The following PTPRN2 variants were observed in gnomAD, a reference collection of about 807,000 sequenced individuals.
PTPRN2 encodes the protein receptor-type tyrosine-protein phosphatase N2.
In PTPRN2, 74 loss-of-function variants were observed where a neutral mutation model predicts 118.8. That is an observed-to-expected ratio of 0.62 (90% CI 0.52 to 0.76). PTPRN2 has a LOEUF of 0.76. PTPRN2 is among the 30% of genes least tolerant of loss of function. The probability of loss-of-function intolerance (pLI) is 0.00; values close to 1 mark genes in which losing one functional copy is unlikely to be tolerated. For missense variants in PTPRN2, 1,481 were observed against 1,394.4 expected (o/e 1.06, Z -0.99); for synonymous variants, 641 against 608.0 (o/e 1.05, Z -0.80).
At chr7:157,867,885 A>G (rs1810808648) in intron 12 of PTPRN2, among the ~76,000 whole-genome samples, 1 of 152,178 alleles carries the variant, frequency 6.6e-6, no homozygotes, top group Non-Finnish European at 1.5e-5. Flanking sequence ...AAAGGGCCGC[A>G]GGCGTGGTGG....
chr7:158,134,008 G>C lies in PTPRN2; in HGVS notation c.1225C>G (p.Arg409Gly), dbSNP rs752320947. The C allele has an allele frequency of 6.2e-7, 1 of 1,613,984 alleles. No individual in the cohort carries two copies. Among genetic ancestry groups the C allele is most frequent in the Non-Finnish European group, 8.5e-7 (1 of 1,180,048 alleles). The change falls in exon 9 of 23, where the codon CGA becomes GGA. Residue 409 changes from arginine to glycine, a missense_variant. Around this residue, in one of 3 missense-constraint regions of PTPRN2, gnomAD observed 1,115 missense variants for 994.2 expected, o/e 1.12. Coordinates refer to ENST00000389418, the MANE Select transcript of PTPRN2 (RefSeq NM_002847.5). ...AAGGGGAGGGCTCCAGGTAAGAGTC[G>C]AGACCCGTGGTCCTGCAGGAGGCCC... The part of the protein sequence containing the change: ...LGGLLQDHGS[R>G]LLPGALPFAR...
At chr7:158,081,943 C>A (rs1050710481) in intron 10 of PTPRN2, among the ~76,000 whole-genome samples, 10 of 152,046 alleles carry the variant, frequency 6.6e-5, no homozygotes, top group African/African-American at 2.4e-4. Flanking sequence ...CTTTTTAAAC[C>A]ATTTAATTCA....
chr7:157,745,994 T>C (rs1800903848), intron 12 of PTPRN2, among the ~76,000 whole-genome samples: 1 of 141,496 alleles, frequency 7.1e-6, no homozygotes. Context: ...CACAGGGCCC[T>C]GAGTGTGGAG....
chr7:158,056,173 G>A (rs889232607), intron 11 of PTPRN2, among the ~76,000 whole-genome samples: 1 of 152,150 alleles, frequency 6.6e-6, no homozygotes, highest in African/African-American at 2.4e-5. Context: ...GGTAACTCCC[G>A]CAGGTCCTGC....
chr7:158,555,734 C>T lies in PTPRN2; in HGVS notation c.112+31824G>A, dbSNP rs931811567. ...GGGAGCTCTTCCGCCAACAGGTGGCCGGTGTTGCTTCCCAGCGGGTTCCAC... is the reference window on the plus strand; with the variant it reads ...GGGAGCTCTTCCGCCAACAGGTGGCTGGTGTTGCTTCCCAGCGGGTTCCAC... On this transcript the variant is annotated intron_variant, in intron 1 of 22. Transcript: ENST00000389418. The surrounding 1 kb of genome is among the most constrained non-coding windows in gnomAD (Gnocchi z 4.7). Among the ~76,000 whole-genome samples the T allele has an allele frequency of 1.3e-5, 2 of 152,082 alleles. No homozygotes were observed. The highest frequency in any genetic ancestry group is 2.9e-5 in the Non-Finnish European group (2 of 68,026).
chr7:158,097,678 C>A, intron 10 of PTPRN2, among the ~76,000 whole-genome samples: 1 of 152,206 alleles, frequency 6.6e-6, no homozygotes, highest in Non-Finnish European at 1.5e-5. Flanking sequence ...TCACCGCCGC[C>A]GCAGACAGCC....
intron 12 of PTPRN2, among the ~76,000 whole-genome samples, chr7:157,761,281 C>T (rs1231965910): frequency 6.6e-6 from 1 of 151,274 alleles, no homozygotes; most frequent in Non-Finnish European, 1.5e-5. Context: ...AAAAAGAGCC[C>T]ACATTGCCAA....
At chr7:157,991,117 G>T (rs1390491696) in intron 11 of PTPRN2, among the ~76,000 whole-genome samples, 1 of 152,084 alleles carries the variant, frequency 6.6e-6, no homozygotes, top group Non-Finnish European at 1.5e-5. Context: ...GCTCCAGCCT[G>T]TCACAAGCCA....
chr7:158,508,903 G>A (rs1047684392), intron 1 of PTPRN2, among the ~76,000 whole-genome samples: 5 of 147,450 alleles, frequency 3.4e-5, no homozygotes, highest in Admixed American at 1.3e-4. Context: ...AACGTGGGAC[G>A]CTCGGAGCAG....
At chr7:157,798,972 C>CCAT (rs1438018507) in intron 12 of PTPRN2, among the ~76,000 whole-genome samples, 1 of 152,218 alleles carries the variant, frequency 6.6e-6, no homozygotes, top group Admixed American at 6.5e-5. Flanking sequence ...GACCCCCGTG[C>CCAT]CATCTTCAAT....
intron 2 of PTPRN2, among the ~76,000 whole-genome samples, chr7:158,325,682 G>A (rs1803445865): frequency 1.3e-5 from 2 of 152,212 alleles, no homozygotes; most frequent in South Asian, 2.1e-4. Flanking sequence ...AGGCGTGGGA[G>A]GCTGTATTCC....
At chr7:158,104,473 A>T (rs1815500254) in intron 10 of PTPRN2, among the ~76,000 whole-genome samples, 1 of 152,174 alleles carries the variant, frequency 6.6e-6, no homozygotes, top group South Asian at 2.1e-4. Flanking sequence ...CCCTCACAAG[A>T]TGAAAAAGGA....
intron 14 of PTPRN2, among the ~76,000 whole-genome samples, chr7:157,642,835 A>AAAAAAAAAAAAAAAAAAAAC (rs1804773771): frequency 6.9e-6 from 1 of 145,886 alleles, no homozygotes; most frequent in Admixed American, 6.8e-5. Flanking sequence ...AAAAAAAAAA[A>AAAAAAAAAAAAAAAAAAAAC]AAAAAAAAAG....
intron 10 of PTPRN2, among the ~76,000 whole-genome samples, chr7:158,083,797 G>A (rs953342658): frequency 8.5e-5 from 13 of 152,250 alleles, no homozygotes; most frequent in African/African-American, 2.2e-4. Context: ...CTGCGGTCAC[G>A]GTGCACTGAG....
intron 5 of PTPRN2, among the ~76,000 whole-genome samples, chr7:158,183,610 T>C (rs1446349879): frequency 1.3e-5 from 2 of 152,256 alleles, no homozygotes; most frequent in East Asian, 3.8e-4. Context: ...CACAGGGCTC[T>C]TTCTACTGCT....
At chr7:158,048,129 GTA>G (rs1425779598) in intron 11 of PTPRN2, among the ~76,000 whole-genome samples, 1 of 138,228 alleles carries the variant, frequency 7.2e-6, no homozygotes, top group African/African-American at 3.0e-5. Context: ...ATACACATAT[GTA>G]TACACACACA....
intron 12 of PTPRN2, among the ~76,000 whole-genome samples, chr7:157,855,695 G>A (rs751806836): frequency 5.3e-5 from 8 of 152,250 alleles, no homozygotes; most frequent in Non-Finnish European, 7.3e-5. Flanking sequence ...TGGCTGAGCC[G>A]AGGGAGAGCC....
At chr7:157,766,938 C>T (rs73744874) in intron 12 of PTPRN2, among the ~76,000 whole-genome samples, 1,966 of 152,332 alleles carry the variant, frequency 0.013, 35 homozygotes, top group African/African-American at 0.044. Flanking sequence ...TGGCTCTTGC[C>T]GGGTGGGTGG....
intron 12 of PTPRN2, among the ~76,000 whole-genome samples, chr7:157,826,590 C>A (rs945060869): frequency 6.7e-6 from 1 of 148,332 alleles, no homozygotes; most frequent in Non-Finnish European, 1.5e-5. Context: ...TCGTCACAAT[C>A]GTGAGCGCCA....
Sources: gnomAD v4.1 joint callset for allele counts (sites outside exome capture counted in the v4.1 genomes callset) on GRCh38, gnomAD v4.1.1 for gene constraint, gnomAD v4.1.1 regional missense constraint, Gnocchi (gnomAD v3.1) non-coding constraint, MANE v1.5 for transcripts, NCBI Gene and HGNC (gene_info 2026-07-23, HGNC 2026-07-21) for gene names.